Variants in SERPINB7 observed in about 807,000 individuals in gnomAD.
SERPINB7 encodes the protein serpin family B member 7, also known as serpin B7.
A neutral mutation model predicts 37.4 loss-of-function variants in SERPINB7; 31 were observed. The observed-to-expected ratio is 0.83, with a 90% CI of 0.62 to 1.12. The LOEUF is 1.12. Among genes scored for constraint, SERPINB7 ranks in the 50% most tolerant of loss-of-function variants. SERPINB7 has a pLI of 0.00. For synonymous variants in SERPINB7, 163 were observed against 166.1 expected (o/e 0.98, Z 0.14); for missense variants, 521 against 455.3 (o/e 1.14, Z -1.31).
At chr18:63,771,541 T>C (rs1042745246), upstream of SERPINB7, among the ~76,000 whole-genome samples, 1 of 152,120 alleles carries the variant, frequency 6.6e-6, no homozygotes, top group Non-Finnish European at 1.5e-5. Flanking sequence ...ATGTTTCACA[T>C]ACACAGAACA....
intron 2 of SERPINB7, among the ~76,000 whole-genome samples, chr18:63,786,839 G>T (rs958946845): frequency 6.6e-6 from 1 of 152,150 alleles, no homozygotes; most frequent in African/African-American, 2.4e-5. Flanking sequence ...AGAAGAGGAA[G>T]AATTGTGATA....
chr18:63,753,786 A>C (rs182237195), intron 1 of SERPINB7, among the ~76,000 whole-genome samples: 2 of 152,300 alleles, frequency 1.3e-5, no homozygotes, highest in Non-Finnish European at 2.9e-5. Flanking sequence ...GTTTCAAAAA[A>C]ATTTTTTAGT....
At chr18:63,796,896 C>A (rs1003277307) in intron 5 of SERPINB7, among the ~76,000 whole-genome samples, 1 of 152,060 alleles carries the variant, frequency 6.6e-6, no homozygotes, top group Non-Finnish European at 1.5e-5. Context: ...CTATAACATT[C>A]TACTGTCAAA....
intron 5 of SERPINB7, among the ~76,000 whole-genome samples, chr18:63,797,031 C>T (rs184421669): frequency 7.2e-5 from 11 of 152,258 alleles, no homozygotes; most frequent in African/African-American, 2.6e-4. Context: ...AAGTACAGCT[C>T]TTTATTGGTA....
At chr18:63,803,788 G>A (rs1244336523) in intron 7 of SERPINB7, among the ~76,000 whole-genome samples, 1 of 152,282 alleles carries the variant, frequency 6.6e-6, no homozygotes, top group Middle Eastern at 3.4e-3. Flanking sequence ...CTCAGGCCAC[G>A]TGGGGTTCCT....
At chr18:63,756,085 T>C (rs1163687239) in intron 1 of SERPINB7, among the ~76,000 whole-genome samples, 1 of 95,982 alleles carries the variant, frequency 1.0e-5, no homozygotes, top group Non-Finnish European at 2.1e-5. Flanking sequence ...ATATTATATA[T>C]AGGGTTTACA....
intron 2 of SERPINB7, among the ~76,000 whole-genome samples, chr18:63,791,214 A>C (rs932644405): frequency 6.6e-6 from 1 of 152,296 alleles, no homozygotes; most frequent in South Asian, 2.1e-4. Flanking sequence ...GGGTGCAGCA[A>C]ACCACCATGG....
At chr18:63,768,212 T>C (rs2049191078) in intron 1 of SERPINB7, among the ~76,000 whole-genome samples, 1 of 152,094 alleles carries the variant, frequency 6.6e-6, no homozygotes, top group Admixed American at 6.6e-5. Flanking sequence ...TATTTTGCTC[T>C]TGTCCTAGTT....
intron 2 of SERPINB7, 33 bp from the exon 3 acceptor site, chr18:63,792,360 C>A: frequency 6.6e-7 from 1 of 1,515,084 alleles, no homozygotes; most frequent in Non-Finnish European, 9.1e-7. Context: ...ACCTCTGATT[C>A]TAATGATTGC....
chr18:63,766,094 C>T (rs1163875951), intron 1 of SERPINB7, among the ~76,000 whole-genome samples: 1 of 152,074 alleles, frequency 6.6e-6, no homozygotes, highest in Non-Finnish European at 1.5e-5. Flanking sequence ...AAATGGGCAC[C>T]TAACAACTGT....
chr18:63,801,004 C>T lies in SERPINB7; in HGVS notation c.736C>T (p.Leu246Phe). ...NMYVLLPEND[L>F]SEIENKLTFQ... ...GTACGTTCTGCTGCCTGAGAATGAC[C>T]TCTCTGAAGTAAGTTACGACTGTCA... The change falls in exon 7 of 8, where the codon CTC becomes TTC. Residue 246 changes from leucine (L) to phenylalanine (F), a missense_variant. By Grantham distance (22) the Leu-to-Phe change is conservative. Coordinates refer to ENST00000398019, the MANE Select transcript of SERPINB7 (RefSeq NM_003784.4). The T allele has an allele frequency of 6.2e-7, 1 of 1,613,182 alleles. No individual in the cohort carries two copies. The highest frequency in any genetic ancestry group is 8.5e-7 in the Non-Finnish European group (1 of 1,179,636).
intron 1 of SERPINB7, among the ~76,000 whole-genome samples, chr18:63,779,507 T>C (rs1368497301): frequency 1.3e-5 from 2 of 152,324 alleles, no homozygotes; most frequent in South Asian, 2.1e-4. Context: ...ATTTTAAGCA[T>C]ACATGAACAT....
chr18:63,770,873 G>GCACATGCA (rs1555692943), upstream of SERPINB7, among the ~76,000 whole-genome samples: 3 of 148,834 alleles, frequency 2.0e-5, no homozygotes, highest in Non-Finnish European at 4.5e-5. Flanking sequence ...GTCTGCACAT[G>GCACATGCA]CACACACACA....
intron 2 of SERPINB7, among the ~76,000 whole-genome samples, chr18:63,787,018 A>C (rs2049380521): frequency 1.3e-5 from 2 of 152,172 alleles, no homozygotes; most frequent in African/African-American, 4.8e-5. Context: ...AGATGGGATA[A>C]GACCCAGGTA....
intron 1 of SERPINB7, among the ~76,000 whole-genome samples, chr18:63,760,768 G>A (rs1265724268): frequency 1.3e-5 from 2 of 152,244 alleles, no homozygotes; most frequent in African/African-American, 2.4e-5. Flanking sequence ...AGCCTTGGCA[G>A]CTTCCATGTG....
chr18:63,793,605 A>G (rs1328919271), intron 4 of SERPINB7, among the ~76,000 whole-genome samples: 4 of 152,180 alleles, frequency 2.6e-5, no homozygotes, highest in Non-Finnish European at 5.9e-5. Context: ...TCTGGGTTCA[A>G]GCAATAATCC....
At chr18:63,776,892 T>TG (rs1001274544) in intron 1 of SERPINB7, among the ~76,000 whole-genome samples, 2 of 152,054 alleles carry the variant, frequency 1.3e-5, no homozygotes, top group African/African-American at 4.8e-5. Context: ...TCTTTTCTGA[T>TG]GGGGGTAGAT....
Position 63,798,692 on chromosome 18 carries a change from G to A in SERPINB7, c.543G>A (p.Trp181Ter). The change falls in exon 6 of 8, where the codon TGG (tryptophan) becomes TGA (stop). Residue 181 changes from tryptophan (W) to a stop codon, truncating the protein, a stop_gained. Coordinates refer to ENST00000398019, the MANE Select transcript of SERPINB7 (RefSeq NM_003784.4). LOFTEE classifies it high-confidence loss of function. ...ATGCTGTGTACTTCAAAGGCAAGTG[G>A]CAATCAGCCTTCACCAAGAGCGAAA... Reference protein sequence around the residue: ...LVNAVYFKGKWQSAFTKSETI... With the variant: ...LVNAVYFKGK 2 of 1,612,820 alleles carry A rather than the reference G, an allele frequency of 1.2e-6. No individual in the cohort carries two copies. Among genetic ancestry groups the A allele is most frequent in the South Asian group, 2.2e-5 (2 of 90,748 alleles).
rs377609880 is a variant in SERPINB7 at position 63,794,532 on chromosome 18, T to C, written c.336+1255T>C. ...GGTGAAACCCTGTCTCTACTAAAAA[T>C]ACAAAAAATTAGCCGGGCGCGGTGG... On this transcript the variant is annotated intron_variant, in intron 4 of 7. Coordinates refer to ENST00000398019, the MANE Select transcript of SERPINB7 (RefSeq NM_003784.4). 4.4e-4 allele frequency among the ~76,000 whole-genome samples: 67 copies of C among 151,618 alleles called. 1 individual carries two copies. In the South Asian group the frequency reaches 0.013, roughly 28 times the overall value.
Sources: allele counts gnomAD v4.1 joint callset (sites outside exome capture counted in the v4.1 genomes callset), GRCh38; gene constraint gnomAD v4.1.1; transcripts MANE v1.5; gene names NCBI Gene and HGNC (gene_info 2026-07-23, HGNC 2026-07-21).